AKR1C3: variants seen among roughly 807,000 people sequenced by gnomAD.
The protein encoded by AKR1C3 is aldo-keto reductase family 1 member C3.
A neutral mutation model predicts 43.6 loss-of-function variants in AKR1C3; 48 were observed. The observed-to-expected ratio is 1.10, with a 90% confidence interval of 0.87 to 1.40. AKR1C3 has a LOEUF of 1.40. Ranked by LOEUF, AKR1C3 falls within the 40% of genes most tolerant of loss-of-function variation. The probability of loss-of-function intolerance (pLI) is 0.00; values close to 1 mark genes in which losing one functional copy is unlikely to be tolerated. For synonymous variants in AKR1C3, 162 were observed against 139.6 expected (o/e 1.16, Z -1.13); for missense variants, 482 against 391.2 (o/e 1.23, Z -1.96).
chr10:5,105,041 TATTTAAAGTCTCTCAA>T (rs1478433841), intron 7 of AKR1C3, among the ~76,000 whole-genome samples: 1 of 140,548 alleles, frequency 7.1e-6, no homozygotes, highest in Non-Finnish European at 1.6e-5. Context: ...ATCCTCTTGA[TATTTAAAGTCTCTCAA>T]ATTTAGAGAG....
chr10:5,071,457 C>G (rs1254632310), intron 1 of AKR1C3, among the ~76,000 whole-genome samples: 1 of 152,128 alleles, frequency 6.6e-6, no homozygotes, highest in Non-Finnish European at 1.5e-5. Flanking sequence ...CTGGTAACAC[C>G]TGTTTTTCAC....
At position 5,099,520 on chromosome 10, in the gene AKR1C3, G is replaced by C. The variant is rs1839297362; in HGVS notation, c.570+71G>C. 9 of 1,603,906 alleles carry C rather than the reference G, an allele frequency of 5.6e-6. No individual in the cohort carries two copies. The South Asian group carries it at 8.9e-5, about 16-fold the overall frequency. On this transcript the variant is annotated intron_variant, in intron 5 of 8. Coordinates refer to ENST00000380554, the MANE Select transcript of AKR1C3 (RefSeq NM_003739.6). ...CTTCCTGTCCTATTGCCAAATATCTGTTTGTTTTGTCCCAGTTATCTTTGT... is the reference window on the plus strand; with the variant it reads ...CTTCCTGTCCTATTGCCAAATATCTCTTTGTTTTGTCCCAGTTATCTTTGT...
At chr10:5,089,193 C>G (rs1272223265) in intron 1 of AKR1C3, among the ~76,000 whole-genome samples, 1 of 151,986 alleles carries the variant, frequency 6.6e-6, no homozygotes, top group Non-Finnish European at 1.5e-5. Context: ...TTCTTATTGA[C>G]CTTGGGTGGT....
intron 1 of AKR1C3, among the ~76,000 whole-genome samples, chr10:5,082,909 T>A (rs1370333017): frequency 6.6e-6 from 1 of 152,160 alleles, no homozygotes; most frequent in Non-Finnish European, 1.5e-5. Context: ...GAGTTGTGAA[T>A]CTCTCTGGTC....
Position 5,097,554 on chromosome 10 carries a change from T to C in AKR1C3, c.369+4T>C. Reference sequence around the variant, plus strand: ...TCATTCTCCAATGTCTCTAAAGGTATGCAGTTTGTATGAGCATAAAATTGC... The same window carrying C: ...TCATTCTCCAATGTCTCTAAAGGTACGCAGTTTGTATGAGCATAAAATTGC... On this transcript the variant is annotated splice_donor_region_variant and intron_variant, in intron 3 of 8. Transcript: ENST00000380554. 2 of 1,613,474 alleles carry C rather than the reference T, an allele frequency of 1.2e-6. No individual in the cohort carries two copies.
Position 5,105,640 on chromosome 10 carries a change from G to A in AKR1C3, c.892G>A (p.Gly298Ser). ...LTAEDMKAIDGLDRNLHYFNS... is the reference protein window; with the variant it reads ...LTAEDMKAIDSLDRNLHYFNS... ...TGCAGAGGACATGAAAGCCATAGAT[G>A]GCCTAGACAGAAATCTCCACTATTT... The change falls in exon 8 of 9, where the codon GGC (glycine) becomes AGC (serine). Residue 298 changes from glycine (G) to serine (S), a missense_variant. By Grantham distance (56) the Gly-to-Ser change is moderately conservative. Coordinates refer to ENST00000380554, the MANE Select transcript of AKR1C3 (RefSeq NM_003739.6). 1 of 1,613,960 alleles carries A rather than the reference G, an allele frequency of 6.2e-7. No homozygotes were observed. Among genetic ancestry groups the A allele is most frequent in the Non-Finnish European group, 8.5e-7 (1 of 1,179,894 alleles).
intron 2 of AKR1C3, 68 bp from the exon 3 acceptor site, chr10:5,097,366 A>G (rs1839230451): frequency 6.4e-7 from 1 of 1,564,020 alleles, no homozygotes; most frequent in Non-Finnish European, 8.7e-7. Flanking sequence ...TAAATACTAG[A>G]TGGCACAAAG....
intron 1 of AKR1C3, among the ~76,000 whole-genome samples, chr10:5,088,522 T>G (rs1839020913): frequency 6.6e-6 from 1 of 152,012 alleles, no homozygotes; most frequent in African/African-American, 2.4e-5. Context: ...TGAATACATT[T>G]ATATTTAGGA....
At chr10:5,105,523 C>T in intron 7 of AKR1C3, 72 bp from the exon 8 acceptor site, 2 of 1,142,060 alleles carry the variant, frequency 1.8e-6, no homozygotes, top group South Asian at 2.7e-5. Context: ...GTCTCTGCAC[C>T]CTACTGTCTA....
At chr10:5,058,198 C>G (rs1003693208) in intron 1 of AKR1C3, among the ~76,000 whole-genome samples, 1 of 152,150 alleles carries the variant, frequency 6.6e-6, no homozygotes, top group South Asian at 2.1e-4. Context: ...TGGAGGTAAG[C>G]TGAGAGGTCC....
chr10:5,072,241 C>T (rs781877358), intron 1 of AKR1C3, among the ~76,000 whole-genome samples: 1 of 152,140 alleles, frequency 6.6e-6, no homozygotes, highest in African/African-American at 2.4e-5. Flanking sequence ...TATTTGATCA[C>T]TAAAATACGA....
At chr10:5,061,165 G>A (rs1838375826) in intron 1 of AKR1C3, among the ~76,000 whole-genome samples, 1 of 152,232 alleles carries the variant, frequency 6.6e-6, no homozygotes, top group Admixed American at 6.5e-5. Flanking sequence ...CACCGAGAGT[G>A]AGCGAGGACT....
rs1352280306 is a variant in AKR1C3 at position 5,102,465 on chromosome 10, C to CT, written c.681-17dup. Reference sequence around the variant, plus strand: ...CTATCGCCAGCCTCAGGGCCTCAGCCTTTCTGCCTTTCCTTCCAGGGTGGA... The same window carrying CT: ...CTATCGCCAGCCTCAGGGCCTCAGCCTTTTCTGCCTTTCCTTCCAGGGTGGA... On this transcript the variant is annotated intron_variant, in intron 6 of 8. Coordinates refer to ENST00000380554, the MANE Select transcript of AKR1C3 (RefSeq NM_003739.6). 2.0e-6 allele frequency: 3 copies of CT among 1,463,764 alleles called. No homozygotes were observed. In the Admixed American group the frequency reaches 6.7e-5, roughly 33 times the overall value. The allele number at this position is 1,463,764 out of a possible 1,614,324, so 90.7% of individuals were successfully genotyped here.
intron 1 of AKR1C3, among the ~76,000 whole-genome samples, chr10:5,061,057 C>G (rs10795240): frequency 0.55 from 83,226 of 151,698 alleles, 23,347 homozygotes; most frequent in East Asian, 0.79. Context: ...AGGGAGCGAG[C>G]TCTGGCCTTG....
At chr10:5,099,667 G>A in intron 5 of AKR1C3, 1 of 773,442 alleles carries the variant, frequency 1.3e-6, no homozygotes, top group Non-Finnish European at 2.0e-6. Context: ...TGAATCGTGT[G>A]TAATATTTAG....
At chr10:5,099,750 C>G (rs1439935460) in intron 5 of AKR1C3, 7 of 369,242 alleles carry the variant, frequency 1.9e-5, no homozygotes, top group Non-Finnish European at 3.0e-5. Flanking sequence ...TACCTCTAAG[C>G]TATGAAAGAT....
Position 5,096,627 on chromosome 10 carries a change from G to A in AKR1C3, c.252+50G>A, listed in dbSNP as rs372668379. The A allele has an allele frequency of 1.9e-6, 3 of 1,559,006 alleles. No individual in the cohort carries two copies. In the African/African-American group the frequency reaches 4.1e-5, roughly 21 times the overall value. On this transcript the variant is annotated intron_variant, in intron 2 of 8. Transcript: ENST00000380554. ...GTGCACATGTATTTATTGTGATTGTGTGGAGATGACAATTCTATGACTGGA... is the reference window on the plus strand; with the variant it reads ...GTGCACATGTATTTATTGTGATTGTATGGAGATGACAATTCTATGACTGGA...
rs1457770274 is a variant in AKR1C3, at chr10:5,084,652, A to G, written c.85-11758A>G. On this transcript the variant is annotated intron_variant, in intron 1 of 8. Coordinates refer to the AKR1C3 transcript ENST00000439082. ...GCTTGATGGGGATGGCATTGAATCT[A>G]TAAATTACCTTGGGCAGTATGGCCA... Among the ~76,000 whole-genome samples, 7 of 152,198 alleles carry G rather than the reference A, an allele frequency of 4.6e-5. No homozygotes were observed. The East Asian group carries it at 9.7e-4, about 21-fold the overall frequency.
At chr10:5,065,308 T>C (rs567574752) in intron 1 of AKR1C3, among the ~76,000 whole-genome samples, 3 of 152,218 alleles carry the variant, frequency 2.0e-5, no homozygotes, top group Admixed American at 6.5e-5. Context: ...TGCATGCATA[T>C]GTTCATTGTA....
Sources: allele counts gnomAD v4.1 joint callset (sites outside exome capture counted in the v4.1 genomes callset), GRCh38; gene constraint gnomAD v4.1.1; transcripts MANE v1.5; gene names NCBI Gene and HGNC (gene_info 2026-07-23, HGNC 2026-07-21).